The following TEKT5 variants were observed in gnomAD, a reference collection of about 807,000 sequenced individuals.
The protein encoded by TEKT5 is tektin 5.
A neutral mutation model predicts 48.7 loss-of-function variants in TEKT5; 52 were observed. The ratio of observed to expected loss-of-function variants is 1.07; its 90% CI spans 0.86 to 1.35. The LOEUF is 1.35. Ranked by LOEUF, TEKT5 falls within the 40% of genes most tolerant of loss-of-function variation. The pLI is 0.00. For missense variants in TEKT5, 831 were observed against 641.6 expected (o/e 1.30, Z -3.19); for synonymous variants, 318 against 267.6 (o/e 1.19, Z -1.84).
intron 5 of TEKT5, among the ~76,000 whole-genome samples, chr16:10,654,978 C>T (rs1297664987): frequency 2.4e-5 from 3 of 124,404 alleles, no homozygotes; most frequent in Non-Finnish European, 3.2e-5. Context: ...AGATTTTTCA[C>T]TTGGGATCAT....
intron 5 of TEKT5, among the ~76,000 whole-genome samples, chr16:10,642,012 GGGCTGGCCGCA>G (rs1898001003): frequency 6.6e-6 from 1 of 152,230 alleles, no homozygotes; most frequent in South Asian, 2.1e-4. Context: ...AAAAGCTAAG[GGGCTGGCCGCA>G]GGCTGGCAGG....
chr16:10,636,983 A>AT lies in TEKT5; in HGVS notation c.1087-1066dup, dbSNP rs71404408. On this transcript the variant is annotated intron_variant, in intron 5 of 6. Transcript: ENST00000283025. ...AGGCACCTGCTGCCTCACCTGGCTG[A>AT]TTTTTTTTTTTTTTTTTTGACGGAG... 7.9e-3 allele frequency among the ~76,000 whole-genome samples: 974 copies of AT among 123,746 alleles called. 9 individuals are homozygous for AT. The highest frequency in any genetic ancestry group is 0.042 in the South Asian group (154 of 3,704). The allele number at this position is 123,746 out of a possible 152,430, so 81.2% of individuals were successfully genotyped here.
At chr16:10,636,688 TAC>T (rs1897917840) in intron 5 of TEKT5, among the ~76,000 whole-genome samples, 2 of 100,802 alleles carry the variant, frequency 2.0e-5, no homozygotes, top group Admixed American at 1.2e-4. Flanking sequence ...TATACATACA[TAC>T]GTGTGTGTGT....
Position 10,627,629 on chromosome 16 carries a change from A to T in TEKT5, c.1412T>A (p.Met471Lys), listed in dbSNP as rs1303125463. The stretch of plus-strand genomic sequence containing the variant: ...CGGGGTGCAGGGGAAGGTCTTACGC[A>T]TGCCCATGCACTTCTCCTTGTCGAT... ...LCIDKEKCMG[M>K]RKTFPCTPRL... Residue 471 changes from methionine (M) to lysine (K), a missense_variant, in exon 7 of 7, where the codon ATG becomes AAG. By Grantham distance (95) the Met-to-Lys change is moderately conservative. Transcript: ENST00000283025. The T allele has an allele frequency of 6.2e-7, 1 of 1,614,074 alleles. No homozygotes were observed. The highest frequency in any genetic ancestry group is 8.5e-7 in the Non-Finnish European group (1 of 1,180,040).
chr16:10,635,669 T>A (rs1897901225), intron 6 of TEKT5, 95 bp downstream of exon 6: 4 of 1,520,590 alleles, frequency 2.6e-6, no homozygotes, highest in East Asian at 2.3e-5. Flanking sequence ...GGTCCATTTT[T>A]CAGACCCAGT....
intron 6 of TEKT5, among the ~76,000 whole-genome samples, chr16:10,630,573 T>C (rs936813686): frequency 1.3e-5 from 2 of 152,188 alleles, no homozygotes; most frequent in Non-Finnish European, 2.9e-5. Context: ...GGAAAGTATG[T>C]TGCAGCAGTG....
chr16:10,654,368 G>A (rs968341054), intron 5 of TEKT5, among the ~76,000 whole-genome samples: 7 of 152,136 alleles, frequency 4.6e-5, no homozygotes, highest in African/African-American at 1.7e-4. Flanking sequence ...AATTTTATAT[G>A]TCAATTTGAC....
intron 4 of TEKT5, among the ~76,000 whole-genome samples, chr16:10,677,104 T>C (rs1462797030): frequency 6.6e-6 from 1 of 151,926 alleles, no homozygotes; most frequent in African/African-American, 2.4e-5. Context: ...GGTGGGAGGA[T>C]CGCTTGAGCC....
chr16:10,676,697 G>A (rs992635673), intron 4 of TEKT5, among the ~76,000 whole-genome samples: 4 of 152,278 alleles, frequency 2.6e-5, no homozygotes, highest in African/African-American at 4.8e-5. Context: ...ATGTGGCCAC[G>A]CTACTTTCAC....
intron 4 of TEKT5, among the ~76,000 whole-genome samples, chr16:10,676,769 G>C (rs913455862): frequency 3.9e-5 from 6 of 152,266 alleles, no homozygotes; most frequent in African/African-American, 1.4e-4. Flanking sequence ...GTTCCAGGCA[G>C]TTAGGAGAGA....
At chr16:10,655,636 G>C (rs1244466738) in intron 5 of TEKT5, among the ~76,000 whole-genome samples, 4 of 152,162 alleles carry the variant, frequency 2.6e-5, no homozygotes, top group Middle Eastern at 3.2e-3. Flanking sequence ...ATTCTAGCCA[G>C]TGGAAAGGAA....
intron 4 of TEKT5, among the ~76,000 whole-genome samples, chr16:10,678,197 C>T (rs2142304084): frequency 6.6e-6 from 1 of 152,302 alleles, no homozygotes; most frequent in South Asian, 2.1e-4. Context: ...CTCCCACGTT[C>T]AAGCAATTCT....
intron 5 of TEKT5, among the ~76,000 whole-genome samples, chr16:10,671,972 A>G (rs376953184): frequency 1.3e-5 from 2 of 152,168 alleles, no homozygotes; most frequent in East Asian, 3.8e-4. Flanking sequence ...TCTGGGTGGA[A>G]ACACAGCCAA....
At chr16:10,685,941 T>C (rs1199687909) in intron 3 of TEKT5, among the ~76,000 whole-genome samples, 2 of 152,168 alleles carry the variant, frequency 1.3e-5, no homozygotes, top group Admixed American at 6.6e-5. Context: ...GCTCCCCACT[T>C]CAAGTCTGGG....
chr16:10,640,746 G>T (rs1555464913), intron 5 of TEKT5, among the ~76,000 whole-genome samples: 3 of 152,104 alleles, frequency 2.0e-5, no homozygotes, highest in Non-Finnish European at 4.4e-5. Flanking sequence ...GAGGGAGGGG[G>T]TTCTGGCTTC....
chr16:10,659,300 G>A (rs763970713), intron 5 of TEKT5, among the ~76,000 whole-genome samples: 6 of 152,216 alleles, frequency 3.9e-5, no homozygotes, highest in Non-Finnish European at 8.8e-5. Flanking sequence ...CAACTATTAT[G>A]TCTCCATAAT....
chr16:10,665,805 G>A (rs1294024760), intron 5 of TEKT5, among the ~76,000 whole-genome samples: 2 of 152,146 alleles, frequency 1.3e-5, no homozygotes, highest in African/African-American at 4.8e-5. Flanking sequence ...TGCTAAGGTG[G>A]GCATCAGGTA....
At chr16:10,644,042 C>CA (rs551024285) in intron 5 of TEKT5, among the ~76,000 whole-genome samples, 113 of 152,176 alleles carry the variant, frequency 7.4e-4, no homozygotes, top group African/African-American at 2.6e-3. Flanking sequence ...AACTCTGCCT[C>CA]AAAAAATAAA....
At chr16:10,647,747 G>A (rs949378632) in intron 5 of TEKT5, among the ~76,000 whole-genome samples, 1 of 152,226 alleles carries the variant, frequency 6.6e-6, no homozygotes, top group African/African-American at 2.4e-5. Flanking sequence ...GGGAAAGGAA[G>A]AGCTAATACT....
Sources: allele counts gnomAD v4.1 joint callset (sites outside exome capture counted in the v4.1 genomes callset), GRCh38; gene constraint gnomAD v4.1.1; transcripts MANE v1.5; gene names NCBI Gene and HGNC (gene_info 2026-07-23, HGNC 2026-07-21).